Variants in FER1L6 observed in about 807,000 individuals in gnomAD.
The protein encoded by FER1L6 is fer-1 like family member 6.
Under a neutral mutation model 219.2 loss-of-function variants are expected in FER1L6, and 177 were observed. The ratio of observed to expected loss-of-function variants is 0.81; its 90% CI spans 0.71 to 0.91. The LOEUF (loss-of-function observed/expected upper bound fraction) is 0.91. Ranked by LOEUF, FER1L6 falls within the 40% of genes least tolerant of loss-of-function variation. FER1L6 has a pLI of 0.00. For missense variants in FER1L6, 2,153 were observed against 2,259.9 expected, an observed-to-expected ratio of 0.95 and a Z score of 0.96; for synonymous variants, 768 against 824.3, an observed-to-expected ratio of 0.93 and a Z score of 1.17.
At chr8:123,950,341 T>C (rs902935950) in intron 1 of FER1L6, among the ~76,000 whole-genome samples, 7 of 152,314 alleles carry the variant, frequency 4.6e-5, no homozygotes, top group Admixed American at 3.9e-4. Flanking sequence ...GGATTGTTTC[T>C]ATTGTGGGCA....
In FER1L6 at chr8:124,049,635, T is replaced by C. The variant is rs1261197237; in HGVS notation, c.2753T>C (p.Val918Ala). 1.2e-6 allele frequency: 2 copies of C among 1,613,940 alleles called. No individual in the cohort carries two copies. Residue 918 changes from valine to alanine, a missense_variant, in exon 22 of 41, where the codon GTG becomes GCG. Transcript: ENST00000522917. ...VGKPEYLGATVAAPVVKLADQ... is the reference protein window; with the variant it reads ...VGKPEYLGATAAAPVVKLADQ... ...AAGCCAGAATATTTGGGTGCCACAGTGGCTGCTCCTGTTGTGAAGCTGGCT... is the reference window on the plus strand; with the variant it reads ...AAGCCAGAATATTTGGGTGCCACAGCGGCTGCTCCTGTTGTGAAGCTGGCT...
chr8:124,067,423 A>T (rs886257011), intron 27 of FER1L6, among the ~76,000 whole-genome samples: 1 of 152,200 alleles, frequency 6.6e-6, no homozygotes, highest in Non-Finnish European at 1.5e-5. Flanking sequence ...GACACAACTC[A>T]TGGTGCAGAT....
At chr8:124,040,099 C>A in intron 20 of FER1L6, 93 bp downstream of exon 20, 1 of 1,493,588 alleles carries the variant, frequency 6.7e-7, no homozygotes, top group Non-Finnish European at 9.2e-7. Flanking sequence ...GGGCATGTTG[C>A]AAATACCTGC....
At position 123,881,990 on chromosome 8, in the gene FER1L6, AT is replaced by A. The variant is rs541581188; in HGVS notation, c.-8+29806del. Among the ~76,000 whole-genome samples, 236 of 152,280 alleles carry A rather than the reference AT, an allele frequency of 1.5e-3. 6 individuals carry two copies. The highest frequency in any genetic ancestry group is 0.015 in the Admixed American group (236 of 15,288). ...ATCACTGTTTCACAACCTTTCTATC[AT>A]CACTTTTGAACTACTGCATTATAAT... On this transcript the variant is annotated intron_variant, in intron 1 of 40. Coordinates refer to ENST00000522917, the MANE Select transcript of FER1L6 (RefSeq NM_001039112.2).
chr8:124,040,334 C>T (rs1359894697), intron 20 of FER1L6: 2 of 330,168 alleles, frequency 6.1e-6, no homozygotes, highest in Admixed American at 8.7e-5. Context: ...GGAAACAGCA[C>T]AGATCAACCT....
intron 27 of FER1L6, 43 bp from the exon 28 acceptor site, chr8:124,067,724 A>G (rs774736263): frequency 3.2e-6 from 5 of 1,541,152 alleles, no homozygotes; most frequent in Non-Finnish European, 4.5e-6. Context: ...CAATTAATAA[A>G]TCAAGTATTG....
rs1447499507 is a variant in FER1L6 at position 123,911,178 on chromosome 8, C to CA, written c.-7-44807dup. Among the ~76,000 whole-genome samples the CA allele has an allele frequency of 1.3e-4, 19 of 151,560 alleles. 1 individual carries two copies. Among genetic ancestry groups the CA allele is most frequent in the Admixed American group, 6.6e-4 (10 of 15,236 alleles). ...GAGTTGGAAATGAAAAGATTCAAGA[C>CA]AAAAAAATGGAAAAGGAATAGTAAT... On this transcript the variant is annotated intron_variant, in intron 1 of 40. Coordinates refer to ENST00000522917, the MANE Select transcript of FER1L6 (RefSeq NM_001039112.2).
intron 1 of FER1L6, among the ~76,000 whole-genome samples, chr8:123,952,829 A>T (rs1452906132): frequency 5.3e-5 from 8 of 152,192 alleles, no homozygotes. Context: ...AGGTGTAAAA[A>T]AATTGTAAAC....
At position 123,976,872 on chromosome 8, in the gene FER1L6, C is replaced by T. The variant is rs150147196; in HGVS notation, c.871-545C>T. Among the ~76,000 whole-genome samples the T allele has an allele frequency of 9.0e-3, 1,369 of 152,304 alleles. 22 individuals carry two copies. Among genetic ancestry groups the T allele is most frequent in the African/African-American group, 0.031 (1,282 of 41,558 alleles). On this transcript the variant is annotated intron_variant, in intron 9 of 40. Transcript: ENST00000522917. ...CATTGGAGGTGTCAGGGCCTGTGTA[C>T]GTGGTCAGAGATTAACCCTGGTTGG...
In FER1L6 at chr8:123,852,696, C is replaced by T. The variant is rs548900956; in HGVS notation, c.-8+511C>T. Among the ~76,000 whole-genome samples the T allele has an allele frequency of 5.9e-5, 9 of 152,048 alleles. No homozygotes were observed. The highest frequency in any genetic ancestry group is 2.2e-4 in the African/African-American group (9 of 41,394). On this transcript the variant is annotated intron_variant, in intron 1 of 40. Transcript: ENST00000522917. This position sits in a 1 kb window ranked among gnomAD's most constrained non-coding sequence, Gnocchi z 4.9. Reference sequence around the variant, plus strand: ...GAAAAGTTGCAAAGATAATTGAGTTCTCTTAAATTTCTCACTCAGTTTTCC... The same window carrying T: ...GAAAAGTTGCAAAGATAATTGAGTTTTCTTAAATTTCTCACTCAGTTTTCC...
chr8:124,108,512 G>A (rs532558150), intron 39 of FER1L6, among the ~76,000 whole-genome samples: 8 of 152,102 alleles, frequency 5.3e-5, no homozygotes, highest in Non-Finnish European at 8.8e-5. Context: ...TGAGGGAAAC[G>A]CCTCAAACTC....
chr8:123,974,518 C>G (rs1815961137), intron 7 of FER1L6, among the ~76,000 whole-genome samples: 1 of 151,682 alleles, frequency 6.6e-6, no homozygotes, highest in Non-Finnish European at 1.5e-5. Flanking sequence ...CACCTGTAGT[C>G]CCAGCTACTT....
chr8:123,998,805 T>C (rs1250283870), intron 12 of FER1L6, among the ~76,000 whole-genome samples: 2 of 152,158 alleles, frequency 1.3e-5, no homozygotes, highest in African/African-American at 4.8e-5. Flanking sequence ...TCTCTCTCCT[T>C]TTCTCAAGCA....
rs60695255 is a variant in FER1L6, at chr8:124,065,400, C to CAAAA, written c.3555+845_3555+848dup. 2.4e-4 allele frequency among the ~76,000 whole-genome samples: 13 copies of CAAAA among 55,136 alleles called. 1 individual carries two copies. The highest frequency in any genetic ancestry group is 6.1e-4 in the Admixed American group (3 of 4,910). 36.2% of individuals were successfully genotyped at this position (55,136 alleles called of 152,430 possible). On this transcript the variant is annotated intron_variant, in intron 26 of 40. Transcript: ENST00000522917. ...TGGGCAACAGAGCGAGCCTCCATCT[C>CAAAA]AAAAAAAAAAAAAAAAAAAAAGCAG...
intron 28 of FER1L6, among the ~76,000 whole-genome samples, chr8:124,068,946 T>A (rs940840524): frequency 6.6e-6 from 1 of 151,338 alleles, no homozygotes; most frequent in Non-Finnish European, 1.5e-5. Flanking sequence ...CTTTTTTTTT[T>A]TTTTTTCCGA....
At position 124,010,848 on chromosome 8, in the gene FER1L6, C is replaced by T. The variant is rs1035714657; in HGVS notation, c.1821+134C>T. The T allele has an allele frequency of 4.9e-6, 6 of 1,232,822 alleles. No homozygotes were observed. The Admixed American group carries it at 6.9e-5, about 14-fold the overall frequency. The allele number at this position is 1,232,822 out of a possible 1,614,324, so 76.4% of individuals were successfully genotyped here. A position where few individuals can be genotyped will look rare whatever the true frequency, so the allele number is the denominator to read the frequency against. On this transcript the variant is annotated intron_variant, in intron 14 of 40. Transcript: ENST00000522917. The stretch of plus-strand genomic sequence containing the variant: ...AATTGAGGATGCTGCATTTGGAGGG[C>T]ACGTGGATCCTACTATGCAAATCTA...
intron 15 of FER1L6, among the ~76,000 whole-genome samples, chr8:124,016,641 T>C (rs1818214246): frequency 6.6e-6 from 1 of 152,216 alleles, no homozygotes; most frequent in African/African-American, 2.4e-5. Flanking sequence ...ATCACACATT[T>C]GCTCAGCAGG....
intron 1 of FER1L6, among the ~76,000 whole-genome samples, chr8:123,866,479 C>T (rs1816839998): frequency 6.6e-6 from 1 of 151,940 alleles, no homozygotes. Flanking sequence ...CTTGGCATGC[C>T]CATTTTAATT....
chr8:123,940,603 GC>G (rs1814200965), intron 1 of FER1L6, among the ~76,000 whole-genome samples: 1 of 152,184 alleles, frequency 6.6e-6, no homozygotes, highest in South Asian at 2.1e-4. Flanking sequence ...TTCCCAAAGT[GC>G]TGGGATTACA....
Sources: gnomAD v4.1 joint callset for allele counts (sites outside exome capture counted in the v4.1 genomes callset) on GRCh38, gnomAD v4.1.1 for gene constraint, Gnocchi (gnomAD v3.1) non-coding constraint, MANE v1.5 for transcripts, NCBI Gene and HGNC (gene_info 2026-07-23, HGNC 2026-07-21) for gene names.